ZNF853: variants seen among roughly 807,000 people sequenced by gnomAD.
ZNF853 encodes zinc finger protein 853.
In ZNF853, 57 loss-of-function variants were observed where a neutral mutation model predicts 94.7. The ratio of observed to expected loss-of-function variants is 0.60; its 90% CI spans 0.49 to 0.75. The LOEUF (loss-of-function observed/expected upper bound fraction) is 0.75. Among genes scored for constraint, ZNF853 ranks in the 30% least tolerant of loss-of-function variants. ZNF853 has a pLI of 0.00. For synonymous variants in ZNF853, 448 were observed against 406.3 expected (o/e 1.10, Z -1.23); for missense variants, 785 against 868.9 (o/e 0.90, Z 1.21).
chr7:6,620,395 G>A, intron 2 of ZNF853, among the ~76,000 whole-genome samples: 1 of 152,154 alleles, frequency 6.6e-6, no homozygotes, highest in African/African-American at 2.4e-5. Flanking sequence ...TTCTACTGGA[G>A]GGTGATTAAG....
At position 6,617,381 on chromosome 7, in the gene ZNF853, G is replaced by A; in HGVS notation, c.130+74G>A. Reference sequence around the variant, plus strand: ...TGGCAGAAAGAGGCTCAAGGGTGGCGGGCAGCCTGCACAGACTCACACCAG... The same window carrying A: ...TGGCAGAAAGAGGCTCAAGGGTGGCAGGCAGCCTGCACAGACTCACACCAG... On this transcript the variant is annotated intron_variant, in intron 2 of 2. Coordinates refer to ENST00000457543, the MANE Select transcript of ZNF853 (RefSeq NM_017560.3). 2,237 of 1,225,608 alleles carry A rather than the reference G, an allele frequency of 1.8e-3. 18 individuals carry two copies. In the African/African-American group the frequency reaches 0.019, roughly 10 times the overall value. 75.9% of individuals were successfully genotyped at this position (1,225,608 alleles called of 1,614,324 possible).
In ZNF853 at chr7:6,622,100, A is replaced by C; in HGVS notation, c.1109A>C (p.Gln370Pro). The change falls in exon 3 of 3, where the codon CAA becomes CCA. Residue 370 changes from glutamine (Q) to proline (P), a missense_variant. Transcript: ENST00000457543. ...KLQEELQQLE[Q>P]QLEQQQQQLE... ...CAGGAGGAGCTGCAGCAGCTGGAGCAACAGCTGGAGCAGCAGCAGCAGCAG... is the reference window on the plus strand; with the variant it reads ...CAGGAGGAGCTGCAGCAGCTGGAGCCACAGCTGGAGCAGCAGCAGCAGCAG... The C allele has an allele frequency of 6.5e-7, 1 of 1,546,542 alleles. No homozygotes were observed. The highest frequency in any genetic ancestry group is 8.7e-7 in the Non-Finnish European group (1 of 1,146,688).
At position 6,621,037 on chromosome 7, in the gene ZNF853, C is replaced by T; in HGVS notation, c.131-85C>T. On this transcript the variant is annotated intron_variant, in intron 2 of 2. Transcript: ENST00000457543. ...GAGCGTGTTAGTGTATCTTTGAGGG[C>T]AGGGTAAGGGGCAGGTCCTGGGGTC... The T allele has an allele frequency of 9.1e-6, 13 of 1,426,154 alleles. No individual in the cohort carries two copies. The Middle Eastern group carries it at 1.1e-3, about 123-fold the overall frequency. 88.3% of individuals were successfully genotyped at this position (1,426,154 alleles called of 1,614,324 possible). A position where few individuals can be genotyped will look rare whatever the true frequency, so the allele number is the denominator to read the frequency against.
chr7:6,619,307 C>T, intron 2 of ZNF853, among the ~76,000 whole-genome samples: 1 of 151,888 alleles, frequency 6.6e-6, no homozygotes, highest in African/African-American at 2.4e-5. Flanking sequence ...GAGTCTTGCT[C>T]TGTCGCTGGG....
In ZNF853 at chr7:6,622,864, T is replaced by C. The variant is rs1782664568; in HGVS notation, c.1873T>C (p.Ser625Pro). The change falls in exon 3 of 3, where the codon TCC (serine) becomes CCC (proline). Residue 625 changes from serine to proline, a missense_variant. Physicochemically the swap from Ser to Pro is moderately conservative, Grantham distance 74. Coordinates refer to ENST00000457543, the MANE Select transcript of ZNF853 (RefSeq NM_017560.3). ...HERQLHGAGR[S>P]RGLGLLRASR... The stretch of plus-strand genomic sequence containing the variant: ...GCGCCAGCTGCACGGCGCGGGCCGC[T>C]CCAGGGGCCTCGGCCTGCTGCGCGC... The C allele has an allele frequency of 7.0e-7, 1 of 1,420,840 alleles. No individual in the cohort carries two copies. Among genetic ancestry groups the C allele is most frequent in the South Asian group, 1.4e-5 (1 of 71,072 alleles). 88.0% of individuals were successfully genotyped at this position (1,420,840 alleles called of 1,614,324 possible).
chr7:6,617,129 G>C, intron 1 of ZNF853, 61 bp from the exon 2 acceptor site: 2 of 1,368,778 alleles, frequency 1.5e-6, no homozygotes, highest in South Asian at 2.6e-5. Flanking sequence ...GGGCCTGTGG[G>C]CACCTGGCGG....
At chr7:6,618,591 T>A in intron 2 of ZNF853, among the ~76,000 whole-genome samples, 2 of 151,968 alleles carry the variant, frequency 1.3e-5, no homozygotes, top group African/African-American at 4.8e-5. Flanking sequence ...GTACCTATAG[T>A]CCCAGCCACT....
chr7:6,622,539 C>T lies in ZNF853; in HGVS notation c.1548C>T (p.Gly516=). ...THTGERPHRC[G]ECGKGFSQHS... is the part of the protein sequence containing the mutation. ...CGGGTGAGCGGCCACACCGCTGCGG[C>T]GAGTGCGGCAAGGGCTTCTCGCAGC... is the stretch of plus-strand genomic sequence containing the variant. The change falls in exon 3 of 3, where the codon GGC becomes GGT. Residue 516 remains glycine (G), a synonymous_variant. Transcript: ENST00000457543. The T allele has an allele frequency of 1.3e-6, 2 of 1,550,438 alleles. No individual in the cohort carries two copies. Among genetic ancestry groups the T allele is most frequent in the Non-Finnish European group, 1.7e-6 (2 of 1,147,632 alleles).
At chr7:6,620,358 G>A in intron 2 of ZNF853, among the ~76,000 whole-genome samples, 1 of 152,174 alleles carries the variant, frequency 6.6e-6, no homozygotes, top group African/African-American at 2.4e-5. Flanking sequence ...TTGATGGCTT[G>A]GCCGTTGGGA....
intron 2 of ZNF853, among the ~76,000 whole-genome samples, chr7:6,619,456 G>A: frequency 0.011 from 1,605 of 152,052 alleles, 33 homozygotes; most frequent in African/African-American, 0.037. Flanking sequence ...TATTTTAGTA[G>A]AGATAGGATT....
Position 6,622,367 on chromosome 7 carries a change from C to T in ZNF853, c.1376C>T (p.Ala459Val). ...LPAVAAPAVV[A>V]IPGPAGSAAL... Reference sequence around the variant, plus strand: ...GCCGTGGCAGCGCCGGCCGTGGTGGCCATCCCGGGCCCGGCAGGCAGCGCG... The same window carrying T: ...GCCGTGGCAGCGCCGGCCGTGGTGGTCATCCCGGGCCCGGCAGGCAGCGCG... Residue 459 changes from alanine (A) to valine (V), a missense_variant, in exon 3 of 3, where the codon GCC (alanine) becomes GTC (valine). By Grantham distance (64) the Ala-to-Val change is moderately conservative. Coordinates refer to ENST00000457543, the MANE Select transcript of ZNF853 (RefSeq NM_017560.3). The T allele has an allele frequency of 7.1e-7, 1 of 1,415,270 alleles. No individual in the cohort carries two copies. The highest frequency in any genetic ancestry group is 1.5e-5 in the African/African-American group (1 of 65,210). The allele number at this position is 1,415,270 out of a possible 1,614,324, so 87.7% of individuals were successfully genotyped here.
At position 6,621,137 on chromosome 7, in the gene ZNF853, G is replaced by A; in HGVS notation, c.146G>A (p.Ser49Asn). ...TCTTCCACAGGTGGCAGCGGTGGGA[G>A]CGAGAGTCAGGAGGAGGAAGAGCCT... ...PDTLSGGSGG[S>N]ESQEEEEPQE... The change falls in exon 3 of 3, where the codon AGC becomes AAC. Residue 49 changes from serine to asparagine, a missense_variant. Transcript: ENST00000457543. 2 of 1,466,402 alleles carry A rather than the reference G, an allele frequency of 1.4e-6. No homozygotes were observed. The highest frequency in any genetic ancestry group is 1.8e-6 in the Non-Finnish European group (2 of 1,109,390). The allele number at this position is 1,466,402 out of a possible 1,614,324, so 90.8% of individuals were successfully genotyped here.
At position 6,623,548 on chromosome 7, in the gene ZNF853, C is replaced by CGTTT. The variant is rs1782687009; in HGVS notation, c.*578_*579insTTTG. On this transcript the variant is annotated 3_prime_UTR_variant, in exon 3 of 3. Coordinates refer to ENST00000457543, the MANE Select transcript of ZNF853 (RefSeq NM_017560.3). ...AGGGTGGGTATAATTCTGATGAAAACGCCTGTGTTCATCAACACAGGGTCA... is the reference window on the plus strand; with the variant it reads ...AGGGTGGGTATAATTCTGATGAAAACGTTTGCCTGTGTTCATCAACACAGGGTCA... 1 of 390,172 alleles carries CGTTT rather than the reference C, an allele frequency of 2.6e-6. No homozygotes were observed. Among genetic ancestry groups the CGTTT allele is most frequent in the African/African-American group, 2.1e-5 (1 of 48,436 alleles). The allele number at this position is 390,172 out of a possible 1,614,324, so 24.2% of individuals were successfully genotyped here.
At chr7:6,618,875 T>C in intron 2 of ZNF853, among the ~76,000 whole-genome samples, 1 of 152,064 alleles carries the variant, frequency 6.6e-6, no homozygotes, top group East Asian at 1.9e-4. Context: ...TTGGACTTGC[T>C]GGGGGGACAG....
At position 6,617,306 on chromosome 7, in the gene ZNF853, A is replaced by G; in HGVS notation, c.129A>G (p.Ser43=). 6.8e-7 allele frequency: 1 copy of G among 1,472,848 alleles called. No homozygotes were observed. The allele number at this position is 1,472,848 out of a possible 1,614,324, so 91.2% of individuals were successfully genotyped here. Reference sequence around the variant, plus strand: ...GGGGCCCAGGGCCTGACACCCTCTCAGGTGAGGGCCTCGGGGGATCCCTTG... The same window carrying G: ...GGGGCCCAGGGCCTGACACCCTCTCGGGTGAGGGCCTCGGGGGATCCCTTG... ...EDGGPGPDTL[S]GGSGGSESQE... Residue 43 remains serine (S), a splice_region_variant and synonymous_variant, in exon 2 of 3, where the codon TCA becomes TCG. Transcript: ENST00000457543.
Position 6,623,110 on chromosome 7 carries a change from CATCATCTT to C in ZNF853, c.*140_*147del. ...AAAAGGCTTCCACCATCATCATCAT[CATCATCTT>C]CCGGATTCCCTGAGAAAATACCAGG... On this transcript the variant is annotated 3_prime_UTR_variant, in exon 3 of 3. Coordinates refer to ENST00000457543, the MANE Select transcript of ZNF853 (RefSeq NM_017560.3). 1.5e-6 allele frequency: 1 copy of C among 686,236 alleles called. No individual in the cohort carries two copies. The highest frequency in any genetic ancestry group is 2.0e-6 in the Non-Finnish European group (1 of 488,742). 42.5% of individuals were successfully genotyped at this position (686,236 alleles called of 1,614,324 possible). A position where few individuals can be genotyped will look rare whatever the true frequency, so the allele number is the denominator to read the frequency against.
Position 6,615,897 on chromosome 7 carries a change from C to T in ZNF853, c.-278C>T. On this transcript the variant is annotated 5_prime_UTR_variant, in exon 1 of 3. Transcript: ENST00000457543. The surrounding 1 kb of genome is among the most constrained non-coding windows in gnomAD (Gnocchi z 8.5). The stretch of plus-strand genomic sequence containing the variant: ...CCGGCCCTGAGCCCCGCGCGGGATT[C>T]GGGGCCCTGCCTCCCGCCCCAGCCC... The T allele has an allele frequency of 3.0e-6, 1 of 332,030 alleles. No homozygotes were observed. 20.6% of individuals were successfully genotyped at this position (332,030 alleles called of 1,614,324 possible). A position where few individuals can be genotyped will look rare whatever the true frequency, so the allele number is the denominator to read the frequency against.
intron 2 of ZNF853, 35 bp downstream of exon 2, chr7:6,617,342 A>G: frequency 7.3e-7 from 1 of 1,378,234 alleles, no homozygotes; most frequent in South Asian, 1.5e-5. Flanking sequence ...ACAGAGCCTC[A>G]TGCCTGCCTG....
In ZNF853 at chr7:6,622,206, C is replaced by T; in HGVS notation, c.1215C>T (p.Thr405=). The T allele has an allele frequency of 2.0e-6, 3 of 1,536,930 alleles. No homozygotes were observed. The highest frequency in any genetic ancestry group is 2.6e-6 in the Non-Finnish European group (3 of 1,145,594). ...AQQQEVQLEL[T]PVQPELQLEL... is the part of the protein sequence containing the mutation. ...AGCAGGAGGTGCAGCTGGAGCTGAC[C>T]CCCGTGCAGCCGGAGCTGCAGCTGG... is the stretch of plus-strand genomic sequence containing the variant. The change falls in exon 3 of 3, where the codon ACC becomes ACT. Residue 405 remains threonine (T), a synonymous_variant. Transcript: ENST00000457543.
Sources: gnomAD v4.1 joint callset for allele counts (sites outside exome capture counted in the v4.1 genomes callset) on GRCh38, gnomAD v4.1.1 for gene constraint, Gnocchi (gnomAD v3.1) non-coding constraint, MANE v1.5 for transcripts, NCBI Gene and HGNC (gene_info 2026-07-23, HGNC 2026-07-21) for gene names.